The following TBC1D4 variants were observed in gnomAD, a reference collection of about 807,000 sequenced individuals.
TBC1D4 encodes the protein TBC1 domain family member 4, also known as TBC (Tre-2, BUB2, CDC16) domain-containing protein.
A neutral mutation model predicts 142.5 loss-of-function variants in TBC1D4; 121 were observed. The ratio of observed to expected loss-of-function variants is 0.85; its 90% CI spans 0.73 to 0.99. The LOEUF (loss-of-function observed/expected upper bound fraction) is 0.99, where lower values mean the gene tolerates loss of function less well. Among genes scored for constraint, TBC1D4 ranks in the 50% least tolerant of loss-of-function variants. The probability of loss-of-function intolerance (pLI) is 0.00; values close to 1 mark genes in which losing one functional copy is unlikely to be tolerated. For synonymous variants in TBC1D4, 630 were observed against 628.2 expected (o/e 1.00, Z -0.04); for missense variants, 1,475 against 1,606.6 (o/e 0.92, Z 1.40).
intron 8 of TBC1D4, among the ~76,000 whole-genome samples, chr13:75,335,587 C>T (rs1268036325): frequency 2.6e-5 from 4 of 152,066 alleles, no homozygotes; most frequent in Non-Finnish European, 5.9e-5. Context: ...GGGAGGTGAC[C>T]GGATCACAGG....
At chr13:75,404,052 A>ATATG (rs1491088051) in intron 1 of TBC1D4, among the ~76,000 whole-genome samples, 1 of 80,142 alleles carries the variant, frequency 1.2e-5, no homozygotes, top group Non-Finnish European at 2.4e-5. Context: ...TGTAGGGGGG[A>ATATG]TATATATACA....
At chr13:75,429,894 C>G (rs1008343661) in intron 1 of TBC1D4, among the ~76,000 whole-genome samples, 4 of 152,130 alleles carry the variant, frequency 2.6e-5, no homozygotes, top group Admixed American at 6.5e-5. Context: ...AGAACTTGAA[C>G]AGAATAAATA....
chr13:75,410,126 A>G (rs1885565691), intron 1 of TBC1D4, among the ~76,000 whole-genome samples: 1 of 152,220 alleles, frequency 6.6e-6, no homozygotes, highest in Admixed American at 6.5e-5. Flanking sequence ...TACGTAAATA[A>G]CGGTGTATGC....
At chr13:75,306,105 C>A (rs1877156063) in intron 15 of TBC1D4, among the ~76,000 whole-genome samples, 1 of 152,082 alleles carries the variant, frequency 6.6e-6, no homozygotes, top group Non-Finnish European at 1.5e-5. Flanking sequence ...TGGTAAACAC[C>A]ACCACCATGC....
intron 1 of TBC1D4, among the ~76,000 whole-genome samples, chr13:75,441,679 A>G (rs549029360): frequency 6.6e-6 from 1 of 152,372 alleles, no homozygotes; most frequent in African/African-American, 2.4e-5. Flanking sequence ...AAGTAGTCAT[A>G]AAATTTTGAA....
At chr13:75,409,271 T>A (rs949840220) in intron 1 of TBC1D4, among the ~76,000 whole-genome samples, 1 of 152,178 alleles carries the variant, frequency 6.6e-6, no homozygotes, top group African/African-American at 2.4e-5. Context: ...AATTGGCAAA[T>A]TTTTCCTTTT....
chr13:75,309,399 T>A (rs1003839937), intron 14 of TBC1D4, among the ~76,000 whole-genome samples: 21 of 152,126 alleles, frequency 1.4e-4, no homozygotes, highest in African/African-American at 4.3e-4. Context: ...AGAAAATTTA[T>A]AAAGCATTAA....
At chr13:75,443,995 A>G (rs1249971139) in intron 1 of TBC1D4, among the ~76,000 whole-genome samples, 1 of 151,366 alleles carries the variant, frequency 6.6e-6, no homozygotes, top group Non-Finnish European at 1.5e-5. Flanking sequence ...AAAAAGCTGT[A>G]GATGCTAGGG....
At chr13:75,415,548 C>T (rs372219057) in intron 1 of TBC1D4, among the ~76,000 whole-genome samples, 18 of 152,312 alleles carry the variant, frequency 1.2e-4, no homozygotes, top group African/African-American at 3.8e-4. Context: ...ATGTGCTTCT[C>T]GCAAGTAGTG....
intron 1 of TBC1D4, among the ~76,000 whole-genome samples, chr13:75,403,678 C>T (rs575119699): frequency 1.3e-3 from 203 of 152,146 alleles, no homozygotes; most frequent in African/African-American, 4.7e-3. Flanking sequence ...TTTTCCTCTT[C>T]CTAGTTGCAT....
intron 1 of TBC1D4, among the ~76,000 whole-genome samples, chr13:75,363,718 G>A (rs1001666927): frequency 3.9e-5 from 6 of 152,190 alleles, no homozygotes; most frequent in Non-Finnish European, 8.8e-5. Flanking sequence ...TCACAGGTGC[G>A]CATCCTCAAC....
At chr13:75,308,573 T>C (rs1034657344) in intron 14 of TBC1D4, among the ~76,000 whole-genome samples, 1 of 152,224 alleles carries the variant, frequency 6.6e-6, no homozygotes, top group Non-Finnish European at 1.5e-5. Context: ...CCTTTTGATA[T>C]TTAATATCAG....
chr13:75,474,517 C>CCACT (rs1416443156), intron 1 of TBC1D4, among the ~76,000 whole-genome samples: 1 of 152,172 alleles, frequency 6.6e-6, no homozygotes, highest in Non-Finnish European at 1.5e-5. Context: ...CGAGATTGCG[C>CCACT]CACTGCACTC....
intron 1 of TBC1D4, among the ~76,000 whole-genome samples, chr13:75,368,512 T>C (rs1883047401): frequency 6.6e-6 from 1 of 152,228 alleles, no homozygotes. Flanking sequence ...TTCTAACTGC[T>C]GCCTTTTTGA....
At chr13:75,304,693 C>T (rs1876977243) in intron 15 of TBC1D4, among the ~76,000 whole-genome samples, 1 of 151,694 alleles carries the variant, frequency 6.6e-6, no homozygotes, top group Admixed American at 6.6e-5. Context: ...CAGGAGAGGA[C>T]CGCATAAAGG....
intron 1 of TBC1D4, among the ~76,000 whole-genome samples, chr13:75,379,618 T>C (rs1169865978): frequency 6.6e-6 from 1 of 152,090 alleles, no homozygotes; most frequent in Non-Finnish European, 1.5e-5. Flanking sequence ...ATTACAAACA[T>C]AGCACAGACC....
intron 1 of TBC1D4, among the ~76,000 whole-genome samples, chr13:75,396,143 C>T (rs544088272): frequency 1.3e-4 from 20 of 152,302 alleles, no homozygotes; most frequent in African/African-American, 4.6e-4. Flanking sequence ...TTCATTAAAA[C>T]CCACAAGCTG....
In TBC1D4 at chr13:75,314,812, CAAA is replaced by C. The variant is rs71201174; in HGVS notation, c.2223-1917_2223-1915del. Among the ~76,000 whole-genome samples the C allele has an allele frequency of 4.2e-3, 499 of 120,124 alleles. 3 individuals are homozygous for C. The highest frequency in any genetic ancestry group is 0.016 in the African/African-American group (482 of 30,770). The allele number at this position is 120,124 out of a possible 152,430, so 78.8% of individuals were successfully genotyped here. ...TGAAACCCTGTCTCAACTAAAAATA[CAAA>C]AAAAAAAAAAAAAATTAGCTGGGCA... On this transcript the variant is annotated intron_variant, in intron 12 of 20. Coordinates refer to ENST00000377636, the MANE Select transcript of TBC1D4 (RefSeq NM_014832.5).
At chr13:75,331,984 C>T (rs537681348) in intron 8 of TBC1D4, among the ~76,000 whole-genome samples, 247 of 152,218 alleles carry the variant, frequency 1.6e-3, no homozygotes, top group South Asian at 2.5e-3. Context: ...CTTGTTAGGT[C>T]GCAAAATTTA....
Sources: gnomAD v4.1 joint callset for allele counts (sites outside exome capture counted in the v4.1 genomes callset) on GRCh38, gnomAD v4.1.1 for gene constraint, MANE v1.5 for transcripts, NCBI Gene and HGNC (gene_info 2026-07-23, HGNC 2026-07-21) for gene names.